The following NGEF variants were observed in gnomAD, a reference collection of about 807,000 sequenced individuals.
NGEF encodes the protein neuronal guanine nucleotide exchange factor, also known as ephexin-1.
Under a neutral mutation model 80.9 loss-of-function variants are expected in NGEF, and 31 were observed. The ratio of observed to expected loss-of-function variants is 0.38; its 90% CI spans 0.29 to 0.52. The LOEUF (loss-of-function observed/expected upper bound fraction) is 0.52, where lower values mean the gene tolerates loss of function less well. NGEF is among the 20% of genes least tolerant of loss of function. The probability of loss-of-function intolerance (pLI) is 0.84; values close to 1 mark genes in which losing one functional copy is unlikely to be tolerated. For synonymous variants in NGEF, 371 were observed against 370.2 expected (o/e 1.00, Z -0.03); for missense variants, 709 against 926.2 (o/e 0.77, Z 3.04).
rs748921551 is a variant in NGEF at position 232,885,377 on chromosome 2, A to G, written c.1348-8T>C. 21 of 1,613,106 alleles carry G rather than the reference A, an allele frequency of 1.3e-5. No individual in the cohort carries two copies. Among genetic ancestry groups the G allele is most frequent in the East Asian group, 4.5e-5 (2 of 44,874 alleles). ...GTTGCATGCCTTCACCACCTGGGAC[A>G]AGAAGGAGGGCACATCAGGCCACCA... On this transcript the variant is annotated splice_polypyrimidine_tract_variant and splice_region_variant and intron_variant, in intron 9 of 14. Coordinates refer to ENST00000264051, the MANE Select transcript of NGEF (RefSeq NM_019850.3).
intron 3 of NGEF, among the ~76,000 whole-genome samples, chr2:232,952,215 G>A (rs1222955547): frequency 6.6e-6 from 1 of 152,146 alleles, no homozygotes; most frequent in Non-Finnish European, 1.5e-5. Flanking sequence ...GTGGGAACTG[G>A]GAATATGGAT....
chr2:232,992,169 T>C (rs1694663828), intron 1 of NGEF, among the ~76,000 whole-genome samples: 1 of 152,148 alleles, frequency 6.6e-6, no homozygotes, highest in Non-Finnish European at 1.5e-5. Context: ...GGTAATGGTT[T>C]CCTACATATG....
rs569937068 is a variant in NGEF, at chr2:233,013,092, T to A, written c.-99A>T. 2.1e-6 allele frequency: 1 copy of A among 471,000 alleles called. No homozygotes were observed. Among genetic ancestry groups the A allele is most frequent in the East Asian group, 7.0e-5 (1 of 14,388 alleles). 29.2% of individuals were successfully genotyped at this position (471,000 alleles called of 1,614,324 possible). A position where few individuals can be genotyped will look rare whatever the true frequency, so the allele number is the denominator to read the frequency against. ...CCTGCCAGAGAGGAGCTCATAGGAG[T>A]TGGGCTTCCTCAGAGAGTGTTCCTC... On this transcript the variant is annotated 5_prime_UTR_variant, in exon 1 of 15. Transcript: ENST00000264051.
Position 232,882,186 on chromosome 2 carries a change from C to T in NGEF, c.1837G>A (p.Asp613Asn). Reference sequence around the variant, plus strand: ...GCCCCCTTACCCACCGGTGACTTACCCAGCAGCCGGGATGTGAACGAAACA... The same window carrying T: ...GCCCCCTTACCCACCGGTGACTTACTCAGCAGCCGGGATGTGAACGAAACA... ...KFVSFTSRLL[D>N]CPQVQCVHPY... The change falls in exon 13 of 15, where the codon GAC (aspartate) becomes AAC (asparagine). Residue 613 changes from aspartate to asparagine, a missense_variant and splice_region_variant. Physicochemically the swap from Asp to Asn is conservative, Grantham distance 23. Around this residue, in one of 2 missense-constraint regions of NGEF, gnomAD observed 426 missense variants for 622.9 expected, o/e 0.68. Transcript: ENST00000264051. 6.2e-7 allele frequency: 1 copy of T among 1,613,520 alleles called. No individual in the cohort carries two copies. Among genetic ancestry groups the T allele is most frequent in the Non-Finnish European group, 8.5e-7 (1 of 1,179,824 alleles).
chr2:232,928,401 T>C (rs1693139517), intron 3 of NGEF, among the ~76,000 whole-genome samples: 1 of 151,806 alleles, frequency 6.6e-6, no homozygotes, highest in African/African-American at 2.4e-5. Flanking sequence ...GCTGCGCCTT[T>C]GCCTGCCCCG....
chr2:232,893,834 G>A (rs986868595), intron 6 of NGEF, among the ~76,000 whole-genome samples: 7 of 152,166 alleles, frequency 4.6e-5, no homozygotes, highest in Non-Finnish European at 1.0e-4. Flanking sequence ...GGCCACTCTG[G>A]CCCCAGTCAG....
In NGEF at chr2:232,954,729, GAA is replaced by G. The variant is rs11404293; in HGVS notation, c.383+15483_383+15484del. On this transcript the variant is annotated intron_variant, in intron 3 of 14. Coordinates refer to ENST00000264051, the MANE Select transcript of NGEF (RefSeq NM_019850.3). Reference sequence around the variant, plus strand: ...GATAGAGCGAGACTCCGTCTCAAAAGAAAAAAAAAAAAAAGAGAGGAGCTCCT... The same window carrying G: ...GATAGAGCGAGACTCCGTCTCAAAAGAAAAAAAAAAAAGAGAGGAGCTCCT... 6.7e-3 allele frequency among the ~76,000 whole-genome samples: 908 copies of G among 135,066 alleles called. 15 individuals carry two copies. Among genetic ancestry groups the G allele is most frequent in the African/African-American group, 0.025 (858 of 34,416 alleles). The allele number at this position is 135,066 out of a possible 152,430, so 88.6% of individuals were successfully genotyped here.
rs1027597757 is a variant in NGEF at position 232,928,157 on chromosome 2, C to T, written c.384-971G>A. On this transcript the variant is annotated intron_variant, in intron 3 of 14. Coordinates refer to ENST00000264051, the MANE Select transcript of NGEF (RefSeq NM_019850.3). ...CCGCCACCGCTGCCGAGCACTCCCG[C>T]GGGCGGGCGCGCGCCTGGAGGCTCC... 5 of 976,744 alleles carry T rather than the reference C, an allele frequency of 5.1e-6. No individual in the cohort carries two copies. In the African/African-American group the frequency reaches 9.0e-5, roughly 18 times the overall value. 60.5% of individuals were successfully genotyped at this position (976,744 alleles called of 1,614,324 possible).
intron 5 of NGEF, among the ~76,000 whole-genome samples, chr2:232,898,761 C>T (rs952886297): frequency 6.6e-6 from 1 of 152,190 alleles, no homozygotes; most frequent in African/African-American, 2.4e-5. Flanking sequence ...GTGAACACAG[C>T]AAGACTGGCT....
At chr2:232,926,747 GCA>G (rs1693076955) in intron 4 of NGEF, among the ~76,000 whole-genome samples, 2 of 152,292 alleles carry the variant, frequency 1.3e-5, no homozygotes, top group African/African-American at 4.8e-5. Flanking sequence ...CTTCTTTCTG[GCA>G]GAAGTGATAA....
intron 4 of NGEF, 63 bp from the exon 5 acceptor site, chr2:232,920,648 C>T: frequency 2.0e-6 from 3 of 1,469,898 alleles, no homozygotes; most frequent in Admixed American, 4.6e-5. Context: ...ATTAGAAATC[C>T]CTAAGTCAAG....
chr2:232,982,943 G>C (rs1019132701), intron 1 of NGEF, among the ~76,000 whole-genome samples: 1 of 152,250 alleles, frequency 6.6e-6, no homozygotes, highest in Non-Finnish European at 1.5e-5. Flanking sequence ...AGCTGGGACA[G>C]TGGCCCCAGA....
chr2:232,926,972 C>G (rs1223082202), intron 4 of NGEF, 72 bp downstream of exon 4: 2 of 1,585,714 alleles, frequency 1.3e-6, no homozygotes, highest in African/African-American at 1.3e-5. Context: ...ATCCCATGAG[C>G]AGGAGGACCC....
chr2:232,990,135 A>G (rs907143933), intron 1 of NGEF, among the ~76,000 whole-genome samples: 1 of 152,190 alleles, frequency 6.6e-6, no homozygotes, highest in Non-Finnish European at 1.5e-5. Flanking sequence ...TTTGTAGGTG[A>G]CATGACTTGT....
At chr2:232,895,812 T>C (rs931377379) in intron 5 of NGEF, among the ~76,000 whole-genome samples, 6 of 152,162 alleles carry the variant, frequency 3.9e-5, no homozygotes, top group African/African-American at 1.4e-4. Flanking sequence ...AATAAGGTGA[T>C]TTTCATTTTG....
intron 3 of NGEF, among the ~76,000 whole-genome samples, chr2:232,942,585 T>C (rs1424779172): frequency 2.0e-5 from 3 of 152,086 alleles, no homozygotes; most frequent in East Asian, 1.9e-4. Flanking sequence ...CGCCTGTAAA[T>C]GGGAATGCTC....
At chr2:232,881,081 C>A in intron 14 of NGEF, 65 bp downstream of exon 14, 1 of 1,307,644 alleles carries the variant, frequency 7.6e-7, no homozygotes, top group Non-Finnish European at 1.1e-6. Flanking sequence ...GCTTCTCCCC[C>A]TCCCCGTCAT....
At chr2:233,010,457 A>G (rs1354498456) in intron 1 of NGEF, among the ~76,000 whole-genome samples, 3 of 152,224 alleles carry the variant, frequency 2.0e-5, no homozygotes, top group Admixed American at 6.5e-5. Flanking sequence ...CTGGAAAATC[A>G]TTAATAAGTG....
At chr2:232,976,590 G>A (rs938572) in intron 1 of NGEF, among the ~76,000 whole-genome samples, 82,068 of 152,106 alleles carry the variant, frequency 0.54, 22,805 homozygotes, top group African/African-American at 0.58. Flanking sequence ...AGCTACTTCC[G>A]ACACAGGTTT....
Sources: gnomAD v4.1 joint callset for allele counts (sites outside exome capture counted in the v4.1 genomes callset) on GRCh38, gnomAD v4.1.1 for gene constraint, gnomAD v4.1.1 regional missense constraint, MANE v1.5 for transcripts, NCBI Gene and HGNC (gene_info 2026-07-23, HGNC 2026-07-21) for gene names.